Variants in VAC14 observed in about 807,000 individuals in gnomAD.
VAC14 encodes the protein VAC14 component of PIKFYVE complex, also known as protein VAC14 homolog.
A neutral mutation model predicts 85.3 loss-of-function variants in VAC14; 47 were observed. The ratio of observed to expected loss-of-function variants is 0.55; its 90% CI spans 0.44 to 0.70. The LOEUF is 0.70. Among genes scored for constraint, VAC14 ranks in the 30% least tolerant of loss-of-function variants. VAC14 has a pLI of 0.00. For missense variants in VAC14, 861 were observed against 1,004.3 expected, an observed-to-expected ratio of 0.86 and a Z score of 1.93; for synonymous variants, 447 against 430.5, an observed-to-expected ratio of 1.04 and a Z score of -0.47.
intron 1 of VAC14, among the ~76,000 whole-genome samples, chr16:70,795,669 C>T (rs1036794331): frequency 6.6e-6 from 1 of 152,250 alleles, no homozygotes; most frequent in South Asian, 2.1e-4. Context: ...GGCAGGGAGG[C>T]GTGATTCAGG....
intron 13 of VAC14, among the ~76,000 whole-genome samples, chr16:70,738,720 A>G (rs2029955772): frequency 6.6e-6 from 1 of 152,188 alleles, no homozygotes; most frequent in Admixed American, 6.5e-5. Context: ...CCTGCCTTCC[A>G]TTATTTTAAT....
intron 9 of VAC14, among the ~76,000 whole-genome samples, chr16:70,779,495 T>C (rs1281880197): frequency 1.3e-5 from 2 of 152,254 alleles, no homozygotes; most frequent in Non-Finnish European, 2.9e-5. Context: ...ATGCTGTGAT[T>C]TCTTTTACCA....
At chr16:70,771,611 T>G (rs550966660) in intron 10 of VAC14, 1 of 151,424 alleles carries the variant, frequency 6.6e-6, no homozygotes, top group African/African-American at 2.4e-5. Flanking sequence ...TTTTAAGACA[T>G]GGTCTCACTC....
rs1430988907 is a variant in VAC14 at position 70,731,623 on chromosome 16, G to C, written c.1533C>G (p.Thr511=). 2 of 1,613,718 alleles carry C rather than the reference G, an allele frequency of 1.2e-6. No individual in the cohort carries two copies. Among genetic ancestry groups the C allele is most frequent in the East Asian group, 2.2e-5 (1 of 44,888 alleles). The change falls in exon 14 of 19, where the codon ACC becomes ACG. Residue 511 remains threonine (T), a synonymous_variant. Transcript: ENST00000261776. The part of the protein sequence containing the change: ...GRAGLLNTSG[T]KGLECSPSTP... ...TTGAAGGAGAACATTCTAAGCCTTT[G>C]GTACCTGTAGAGAAAGGGATAGAGC...
At chr16:70,697,310 C>A (rs2053732994) in intron 15 of VAC14, 53 bp from the exon 16 acceptor site, 5 of 1,506,928 alleles carry the variant, frequency 3.3e-6, no homozygotes. Context: ...TTGCCCCTAC[C>A]CGGTCCACGT....
intron 17 of VAC14, among the ~76,000 whole-genome samples, chr16:70,693,620 C>T (rs1262003558): frequency 6.6e-6 from 1 of 152,230 alleles, no homozygotes; most frequent in Non-Finnish European, 1.5e-5. Context: ...AGCACTCATT[C>T]CAGCCCAAGC....
rs111860069 is a variant in VAC14, at chr16:70,764,899, C to A, written c.1161-1874G>T. 7.9e-4 allele frequency among the ~76,000 whole-genome samples: 121 copies of A among 152,300 alleles called. 1 individual carries two copies. Among genetic ancestry groups the A allele is most frequent in the African/African-American group, 2.8e-3 (116 of 41,558 alleles). ...GTTTCCTAGCCACTCCCTTAGCTGACGGCCAGCATTTACTGTTTTATCTCC... is the reference window on the plus strand; with the variant it reads ...GTTTCCTAGCCACTCCCTTAGCTGAAGGCCAGCATTTACTGTTTTATCTCC... On this transcript the variant is annotated intron_variant, in intron 10 of 18. Transcript: ENST00000261776.
At chr16:70,740,620 G>A (rs938063869) in intron 13 of VAC14, among the ~76,000 whole-genome samples, 3 of 152,180 alleles carry the variant, frequency 2.0e-5, no homozygotes, top group African/African-American at 4.8e-5. Flanking sequence ...CCCCTGAGTG[G>A]AGACAGGAAA....
chr16:70,776,592 T>C (rs1428440015), intron 9 of VAC14, among the ~76,000 whole-genome samples: 7 of 152,184 alleles, frequency 4.6e-5, no homozygotes, highest in Admixed American at 4.6e-4. Context: ...TTTTTTCAGT[T>C]ACACCAATTT....
At chr16:70,787,446 G>A (rs1220212788) in intron 1 of VAC14, among the ~76,000 whole-genome samples, 1 of 152,208 alleles carries the variant, frequency 6.6e-6, no homozygotes, top group African/African-American at 2.4e-5. Context: ...TCATGGGAGG[G>A]AGGGGCTGCT....
intron 18 of VAC14, 150 bp downstream of exon 18, chr16:70,692,671 C>T (rs747988546): frequency 2.8e-5 from 29 of 1,040,326 alleles, no homozygotes; most frequent in African/African-American, 2.4e-4. Context: ...CAAGTGGCTG[C>T]GGGGGGGATG....
At chr16:70,788,175 G>C (rs1440458444) in intron 1 of VAC14, among the ~76,000 whole-genome samples, 1 of 152,228 alleles carries the variant, frequency 6.6e-6, no homozygotes, top group Non-Finnish European at 1.5e-5. Context: ...CTTTCTAATA[G>C]TTAGAGCTGG....
At chr16:70,756,453 C>T (rs2031867283) in intron 12 of VAC14, among the ~76,000 whole-genome samples, 2 of 152,222 alleles carry the variant, frequency 1.3e-5, no homozygotes, top group African/African-American at 4.8e-5. Flanking sequence ...CCCTTCCTCC[C>T]CTACCAAAGC....
intron 12 of VAC14, chr16:70,761,340 T>A (rs2032367187): frequency 3.9e-6 from 1 of 255,944 alleles, no homozygotes; most frequent in South Asian, 3.7e-5. Context: ...ATTCACGAGC[T>A]GGCTGCCTCA....
At chr16:70,735,774 G>A (rs2054731593) in intron 13 of VAC14, among the ~76,000 whole-genome samples, 1 of 152,262 alleles carries the variant, frequency 6.6e-6, no homozygotes, top group South Asian at 2.1e-4. Context: ...TTCTTGTTTG[G>A]ACTGCATTGT....
chr16:70,777,540 A>G (rs2033582779), intron 9 of VAC14, among the ~76,000 whole-genome samples: 1 of 152,192 alleles, frequency 6.6e-6, no homozygotes, highest in Non-Finnish European at 1.5e-5. Flanking sequence ...CAGGCTGGAC[A>G]CGCAAAGTGC....
intron 14 of VAC14, among the ~76,000 whole-genome samples, chr16:70,723,906 G>A (rs1178805473): frequency 6.6e-6 from 1 of 152,234 alleles, no homozygotes; most frequent in African/African-American, 2.4e-5. Flanking sequence ...CTCCATCACA[G>A]GGGCTCCTGG....
At chr16:70,764,020 C>T (rs932207350) in intron 10 of VAC14, among the ~76,000 whole-genome samples, 1 of 152,200 alleles carries the variant, frequency 6.6e-6, no homozygotes, top group African/African-American at 2.4e-5. Context: ...TTCTAAGGAC[C>T]TGGGCCAGCA....
chr16:70,784,922 G>C, intron 3 of VAC14, 84 bp from the exon 4 acceptor site: 2 of 1,233,230 alleles, frequency 1.6e-6, no homozygotes, highest in South Asian at 1.2e-5. Context: ...CAAATCCGCA[G>C]CCGAGGCCTT....
Sources: gnomAD v4.1 joint callset for allele counts (sites outside exome capture counted in the v4.1 genomes callset) on GRCh38, gnomAD v4.1.1 for gene constraint, MANE v1.5 for transcripts, NCBI Gene and HGNC (gene_info 2026-07-23, HGNC 2026-07-21) for gene names.